The following NUP188 variants were observed in gnomAD, a reference collection of about 807,000 sequenced individuals.
NUP188 encodes nucleoporin NUP188.
In NUP188, 97 loss-of-function variants were observed where a neutral mutation model predicts 223.0. The ratio of observed to expected loss-of-function variants is 0.43; its 90% CI spans 0.37 to 0.51. The LOEUF (loss-of-function observed/expected upper bound fraction) is 0.51, where lower values mean the gene tolerates loss of function less well. Ranked by LOEUF, NUP188 falls within the 20% of genes least tolerant of loss-of-function variation. The pLI is 0.00. For missense variants in NUP188, 1,947 were observed against 2,175.6 expected (o/e 0.89, Z 2.09); for synonymous variants, 869 against 828.0 (o/e 1.05, Z -0.85).
At chr9:128,988,516 T>C (rs1249107966) in intron 24 of NUP188, among the ~76,000 whole-genome samples, 1 of 152,160 alleles carries the variant, frequency 6.6e-6, no homozygotes, top group Non-Finnish European at 1.5e-5. Flanking sequence ...ATCTGTAAAA[T>C]GGGGATAATG....
intron 36 of NUP188, 63 bp downstream of exon 36, chr9:129,002,039 G>A (rs1292858400): frequency 3.0e-6 from 4 of 1,330,126 alleles, no homozygotes; most frequent in African/African-American, 1.4e-5. Flanking sequence ...GTTGAAAAGT[G>A]TCCTCCCCTA....
At chr9:128,992,302 C>T (rs1842447547) in intron 25 of NUP188, among the ~76,000 whole-genome samples, 1 of 152,178 alleles carries the variant, frequency 6.6e-6, no homozygotes, top group Non-Finnish European at 1.5e-5. Context: ...ATGCGATTCT[C>T]CTGTCTAAGC....
chr9:129,005,347 C>G lies in NUP188; in HGVS notation c.4554C>G (p.Val1518=), dbSNP rs148297202. The G allele has an allele frequency of 5.0e-4, 799 of 1,614,048 alleles. 1 individual carries two copies. Among genetic ancestry groups the G allele is most frequent in the Admixed American group, 3.7e-3 (224 of 60,032 alleles). Residue 1518 remains valine (V), a synonymous_variant, in exon 40 of 44, where the codon GTC becomes GTG. Transcript: ENST00000372577. The part of the protein sequence containing the change: ...DGLPSAVAQR[V]QRPPSAASAA... ...TCCCCTCAGCTGTTGCCCAGCGAGT[C>G]CAGAGGCCACCGTCTGCTGCTTCTG...
Position 128,999,326 on chromosome 9 carries a change from C to G in NUP188, c.3661+9C>G. The stretch of plus-strand genomic sequence containing the variant: ...AATGAAGGAGATGAAAGGTGAGGGG[C>G]AGAGGCAGGGGGAGCAGCAGCTGCA... On this transcript the variant is annotated intron_variant, in intron 33 of 43. Transcript: ENST00000372577. 1 of 1,612,926 alleles carries G rather than the reference C, an allele frequency of 6.2e-7. No homozygotes were observed. Among genetic ancestry groups the G allele is most frequent in the Non-Finnish European group, 8.5e-7 (1 of 1,179,080 alleles).
rs1161893385 is a variant in NUP188 at position 128,958,909 on chromosome 9, T to G, written c.465+15T>G. On this transcript the variant is annotated intron_variant, in intron 7 of 43. Coordinates refer to ENST00000372577, the MANE Select transcript of NUP188 (RefSeq NM_015354.3). The stretch of plus-strand genomic sequence containing the variant: ...ACCCCTATAGGGTAAGCTTGTTTAG[T>G]CCTCTTGCTTCTCTTTATACTGTAT... 6.6e-7 allele frequency: 1 copy of G among 1,520,932 alleles called. No individual in the cohort carries two copies. Among genetic ancestry groups the G allele is most frequent in the Non-Finnish European group, 9.0e-7 (1 of 1,109,994 alleles). The allele number at this position is 1,520,932 out of a possible 1,614,324, so 94.2% of individuals were successfully genotyped here.
rs1253822847 is a variant in NUP188, at chr9:129,005,929, CTG to C, written c.4870-118_4870-117del. ...AACATGACAGCACCTCTGAGAATTACTGTGAGGATTAAATGAGGTAACTGATT... is the reference window on the plus strand; with the variant it reads ...AACATGACAGCACCTCTGAGAATTACTGAGGATTAAATGAGGTAACTGATT... On this transcript the variant is annotated intron_variant, in intron 41 of 43. Transcript: ENST00000372577. 3.5e-6 allele frequency: 5 copies of C among 1,413,372 alleles called. 1 individual carries two copies. In the South Asian group the frequency reaches 3.7e-5, roughly 10 times the overall value. The allele number at this position is 1,413,372 out of a possible 1,614,324, so 87.6% of individuals were successfully genotyped here. A position where few individuals can be genotyped will look rare whatever the true frequency, so the allele number is the denominator to read the frequency against.
chr9:128,994,277 TA>T, intron 27 of NUP188, 95 bp from the exon 28 acceptor site: 1 of 821,036 alleles, frequency 1.2e-6, no homozygotes, highest in Middle Eastern at 2.3e-4. Context: ...TTGAGACTGG[TA>T]AAATATGAAG....
chr9:129,006,242 C>T lies in NUP188; in HGVS notation c.4947C>T (p.Ser1649=), dbSNP rs1286843684. ...TQAEGTRTLK[S]LLMFTMENCF... ...AAAAACCTGTGTCTCCTCCCAGGTC[C>T]CTCCTGATGTTTACCATGGAAAACT... The change falls in exon 43 of 44, where the codon TCC becomes TCT. Residue 1649 remains serine, a synonymous_variant. Transcript: ENST00000372577. The T allele has an allele frequency of 1.2e-6, 2 of 1,614,186 alleles. No homozygotes were observed. Among genetic ancestry groups the T allele is most frequent in the South Asian group, 2.2e-5 (2 of 91,070 alleles).
At position 129,006,730 on chromosome 9, in the gene NUP188, T is replaced by C. The variant is rs1842818588; in HGVS notation, c.*52T>C. On this transcript the variant is annotated 3_prime_UTR_variant, in exon 44 of 44. Coordinates refer to ENST00000372577, the MANE Select transcript of NUP188 (RefSeq NM_015354.3). ...CTCTCCACCAGCCTACACTGCACCC[T>C]GGCTGGCAGGGGTGCTGCTGGCTGC... 1 of 1,540,654 alleles carries C rather than the reference T, an allele frequency of 6.5e-7. No individual in the cohort carries two copies. The highest frequency in any genetic ancestry group is 8.7e-7 in the Non-Finnish European group (1 of 1,144,820).
At chr9:128,971,085 ACAT>A in intron 11 of NUP188, 127 bp downstream of exon 11, 1 of 721,844 alleles carries the variant, frequency 1.4e-6, no homozygotes, top group Non-Finnish European at 2.5e-6. Context: ...GAGCATTTAG[ACAT>A]CATCAGGCAT....
intron 2 of NUP188, among the ~76,000 whole-genome samples, chr9:128,951,969 T>G (rs1841795089): frequency 6.6e-6 from 1 of 152,090 alleles, no homozygotes; most frequent in Admixed American, 6.6e-5. Context: ...ATTTTGTATT[T>G]TTTAGTAGAG....
At chr9:128,956,204 T>TGTGTGTGC in intron 3 of NUP188, 146 bp from the exon 4 acceptor site, 1 of 462,046 alleles carries the variant, frequency 2.2e-6, no homozygotes, top group Non-Finnish European at 3.8e-6. Context: ...TGTGTGTGTG[T>TGTGTGTGC]GTGTGTGCGT....
chr9:128,967,059 G>A (rs1182360831), intron 8 of NUP188, among the ~76,000 whole-genome samples: 2 of 152,124 alleles, frequency 1.3e-5, no homozygotes, highest in Non-Finnish European at 2.9e-5. Flanking sequence ...CCAGGCTGGG[G>A]TACAGGGGCA....
intron 42 of NUP188, 55 bp from the exon 43 acceptor site, chr9:129,006,184 A>G (rs184720229): frequency 5.0e-6 from 8 of 1,614,144 alleles, no homozygotes; most frequent in Admixed American, 1.7e-5. Flanking sequence ...ACTGTTCTCA[A>G]GCTTGGCCAG....
intron 32 of NUP188, 148 bp downstream of exon 32, chr9:128,998,771 G>A: frequency 3.0e-6 from 2 of 675,336 alleles, no homozygotes; most frequent in Non-Finnish European, 5.3e-6. Context: ...AGGAGGGTGA[G>A]GCAGACTGGT....
intron 8 of NUP188, among the ~76,000 whole-genome samples, chr9:128,966,135 G>A (rs1842024562): frequency 9.2e-6 from 1 of 108,822 alleles, no homozygotes; most frequent in Non-Finnish European, 1.9e-5. Context: ...CTCCGTGTGT[G>A]TGTGTGTGTG....
At position 128,973,177 on chromosome 9, in the gene NUP188, A is replaced by T. The variant is rs575338206; in HGVS notation, c.1131A>T (p.Ala377=). 6.2e-7 allele frequency: 1 copy of T among 1,613,140 alleles called. No individual in the cohort carries two copies. Among genetic ancestry groups the T allele is most frequent in the Admixed American group, 1.7e-5 (1 of 59,978 alleles). ...SGGNDCTTST[A]CMCVYGLLSF... ...CATTCCAGTGCACCACCAGCACTGC[A>T]TGCATGTGTGTCTATGGACTGCTCT... Residue 377 remains alanine (A), a synonymous_variant, in exon 12 of 44, where the codon GCA becomes GCT. Coordinates refer to ENST00000372577, the MANE Select transcript of NUP188 (RefSeq NM_015354.3).
intron 11 of NUP188, among the ~76,000 whole-genome samples, chr9:128,971,160 A>C (rs979828906): frequency 4.6e-5 from 7 of 152,178 alleles, no homozygotes; most frequent in African/African-American, 1.7e-4. Flanking sequence ...CGTGTTAAAG[A>C]TTATCATTCT....
intron 3 of NUP188, among the ~76,000 whole-genome samples, chr9:128,954,861 T>C (rs1315147144): frequency 6.6e-6 from 1 of 151,968 alleles, no homozygotes; most frequent in African/African-American, 2.4e-5. Flanking sequence ...CTCTTCTTTT[T>C]TTTTTTTTTG....
Sources: allele counts gnomAD v4.1 joint callset (sites outside exome capture counted in the v4.1 genomes callset), GRCh38; gene constraint gnomAD v4.1.1; transcripts MANE v1.5; gene names NCBI Gene and HGNC (gene_info 2026-07-23, HGNC 2026-07-21).